Variants in COL5A2 observed in about 807,000 individuals in gnomAD.
COL5A2 encodes collagen type V alpha 2 chain.
Under a neutral mutation model 208.2 loss-of-function variants are expected in COL5A2, and 23 were observed. That is an observed-to-expected ratio of 0.11 (90% CI 0.08 to 0.16). The LOEUF (loss-of-function observed/expected upper bound fraction) is 0.16, where lower values mean the gene tolerates loss of function less well. Among genes scored for constraint, COL5A2 ranks in the 10% least tolerant of loss-of-function variants. The probability of loss-of-function intolerance (pLI) is 1.00; values close to 1 mark genes in which losing one functional copy is unlikely to be tolerated. For synonymous variants in COL5A2, 625 were observed against 628.5 expected, an observed-to-expected ratio of 0.99 and a Z score of 0.08; for missense variants, 1,590 against 1,956.4, an observed-to-expected ratio of 0.81 and a Z score of 3.53.
intron 35 of COL5A2, among the ~76,000 whole-genome samples, chr2:189,056,041 T>C (rs1281352381): frequency 1.3e-5 from 2 of 152,212 alleles, no homozygotes; most frequent in Non-Finnish European, 2.9e-5. Context: ...AAGTGGTGCA[T>C]CCTTAATTAA....
At chr2:189,212,365 C>T (rs937863127) in intron 1 of COL5A2, among the ~76,000 whole-genome samples, 4 of 151,990 alleles carry the variant, frequency 2.6e-5, no homozygotes, top group African/African-American at 4.8e-5. Flanking sequence ...TTGCTGGGCG[C>T]GGTGGCTCAT....
chr2:189,071,961 T>G lies in COL5A2; in HGVS notation c.1158+79A>C, dbSNP rs6434317. The G allele has an allele frequency of 0.77, 734,632 of 959,412 alleles. 285,112 individuals carry two copies. Among genetic ancestry groups the G allele is most frequent in the Non-Finnish European group, 0.81 (499,616 of 615,372 alleles). The allele number at this position is 959,412 out of a possible 1,614,324, so 59.4% of individuals were successfully genotyped here. A position where few individuals can be genotyped will look rare whatever the true frequency, so the allele number is the denominator to read the frequency against. ...AAAAGTAACTTTCACACTTTTCAAT[T>G]AATTAAATGTCATTCTTCACTTTGG... is the stretch of plus-strand genomic sequence containing the variant. On this transcript the variant is annotated intron_variant, in intron 18 of 53. Coordinates refer to ENST00000374866, the MANE Select transcript of COL5A2 (RefSeq NM_000393.5).
At chr2:189,189,295 T>C (rs1254668785) in intron 1 of COL5A2, among the ~76,000 whole-genome samples, 1 of 152,208 alleles carries the variant, frequency 6.6e-6, no homozygotes, top group East Asian at 1.9e-4. Flanking sequence ...GATCAAGTCT[T>C]GATTAATACT....
chr2:189,051,411 G>A lies in COL5A2; in HGVS notation c.2840C>T (p.Pro947Leu). Reference protein sequence around the residue: ...KEGPPGLRGDPGSHGRVGDRG... With the variant: ...KEGPPGLRGDLGSHGRVGDRG... Reference sequence around the variant, plus strand: ...ATCTCCCACACGCCCATGAGAGCCAGGGTCCCCACGAAGACCTGGAGGTCC... The same window carrying A: ...ATCTCCCACACGCCCATGAGAGCCAAGGTCCCCACGAAGACCTGGAGGTCC... Residue 947 changes from proline to leucine, a missense_variant, in exon 42 of 54, where the codon CCT becomes CTT. By Grantham distance (98) the Pro-to-Leu change is moderately conservative. Transcript: ENST00000374866. The A allele has an allele frequency of 6.2e-7, 1 of 1,613,986 alleles. No homozygotes were observed. Among genetic ancestry groups the A allele is most frequent in the South Asian group, 1.1e-5 (1 of 91,064 alleles).
the COL5A2 span, among the ~76,000 whole-genome samples, chr2:189,417,489 T>A: frequency 6.6e-6 from 1 of 152,046 alleles, no homozygotes; most frequent in African/African-American, 2.4e-5. Flanking sequence ...TGTTTCTATA[T>A]AAATTTCCAG....
the COL5A2 span, among the ~76,000 whole-genome samples, chr2:189,238,524 A>T: frequency 6.6e-6 from 1 of 152,118 alleles, no homozygotes; most frequent in East Asian, 1.9e-4. Flanking sequence ...GAACTGCCTG[A>T]GAGTGTATTA....
the COL5A2 span, among the ~76,000 whole-genome samples, chr2:189,406,652 A>G: frequency 6.6e-6 from 1 of 152,198 alleles, no homozygotes; most frequent in Non-Finnish European, 1.5e-5. Flanking sequence ...TGTAACTAGG[A>G]AAATTACTTG....
intron 19 of COL5A2, 28 bp downstream of exon 19, chr2:189,068,757 GC>G (rs1434844676): frequency 6.8e-7 from 1 of 1,468,624 alleles, no homozygotes; most frequent in Non-Finnish European, 9.5e-7. Flanking sequence ...AGCTTTCTGG[GC>G]TGGTTCTTAA....
At chr2:189,437,723 A>G in the COL5A2 span, among the ~76,000 whole-genome samples, 1 of 152,226 alleles carries the variant, frequency 6.6e-6, no homozygotes, top group Non-Finnish European at 1.5e-5. Context: ...AAACCTAAGA[A>G]GAGATAAAAA....
At chr2:189,078,949 C>G (rs1314816571) in intron 15 of COL5A2, 114 bp downstream of exon 15, 7 of 851,928 alleles carry the variant, frequency 8.2e-6, no homozygotes, top group Non-Finnish European at 1.3e-5. Flanking sequence ...TTTTACTAGC[C>G]AACATATGTT....
At chr2:189,237,821 G>A in the COL5A2 span, among the ~76,000 whole-genome samples, 3 of 151,858 alleles carry the variant, frequency 2.0e-5, no homozygotes, top group African/African-American at 7.2e-5. Flanking sequence ...ATGTGGCGAA[G>A]TAATTATAAC....
chr2:189,155,181 T>G (rs930272384), intron 1 of COL5A2, among the ~76,000 whole-genome samples: 1 of 152,108 alleles, frequency 6.6e-6, no homozygotes, highest in African/African-American at 2.4e-5. Flanking sequence ...AGAGACAGTA[T>G]CTCACTATGT....
intron 52 of COL5A2, 76 bp downstream of exon 52, chr2:189,036,540 G>T: frequency 8.0e-7 from 1 of 1,244,122 alleles, no homozygotes; most frequent in Non-Finnish European, 1.1e-6. Context: ...AAATAGCAAA[G>T]TCCTAAATAA....
At chr2:189,373,810 A>T in the COL5A2 span, among the ~76,000 whole-genome samples, 1 of 152,220 alleles carries the variant, frequency 6.6e-6, no homozygotes, top group African/African-American at 2.4e-5. Context: ...AAGAATGAGG[A>T]AAAGGAGAGA....
At chr2:189,426,112 T>C in the COL5A2 span, among the ~76,000 whole-genome samples, 62 of 152,188 alleles carry the variant, frequency 4.1e-4, 1 homozygote, top group African/African-American at 1.2e-3. Flanking sequence ...TTGGAAGAGT[T>C]TGGAGAGCTC....
In COL5A2 at chr2:189,051,309, G is replaced by A. The variant is rs184002749; in HGVS notation, c.2931+11C>T. 218 of 1,613,846 alleles carry A rather than the reference G, an allele frequency of 1.4e-4. 1 individual carries two copies. The African/African-American group carries it at 2.2e-3, about 16-fold the overall frequency. On this transcript the variant is annotated intron_variant, in intron 42 of 53. Coordinates refer to ENST00000374866, the MANE Select transcript of COL5A2 (RefSeq NM_000393.5). ...GTTGAAGGTGGTCTGGAACGGATACGCCAAACTTACAGGTTGCCCATCTTC... is the reference window on the plus strand; with the variant it reads ...GTTGAAGGTGGTCTGGAACGGATACACCAAACTTACAGGTTGCCCATCTTC...
At chr2:189,256,112 A>G in the COL5A2 span, among the ~76,000 whole-genome samples, 1 of 152,228 alleles carries the variant, frequency 6.6e-6, no homozygotes, top group South Asian at 2.1e-4. Flanking sequence ...CTGAGGATTC[A>G]ACAAGGGTTG....
the COL5A2 span, among the ~76,000 whole-genome samples, chr2:189,387,397 G>A: frequency 1.4e-4 from 22 of 152,078 alleles, no homozygotes; most frequent in Non-Finnish European, 2.6e-4. Context: ...GTTCGGTTAT[G>A]CCCTAAACCT....
chr2:189,121,591 C>T (rs992494158), intron 1 of COL5A2, among the ~76,000 whole-genome samples: 4 of 151,838 alleles, frequency 2.6e-5, no homozygotes, highest in East Asian at 1.9e-4. Flanking sequence ...CATTTGTTGC[C>T]GATGACTAAC....
Sources: allele counts gnomAD v4.1 joint callset (sites outside exome capture counted in the v4.1 genomes callset), GRCh38; gene constraint gnomAD v4.1.1; transcripts MANE v1.5; gene names NCBI Gene and HGNC (gene_info 2026-07-23, HGNC 2026-07-21).